BANK1: variants seen among roughly 807,000 people sequenced by gnomAD.
The protein encoded by BANK1 is B cell scaffold protein with ankyrin repeats 1.
Under a neutral mutation model 94.5 loss-of-function variants are expected in BANK1, and 95 were observed. The ratio of observed to expected loss-of-function variants is 1.00; its 90% CI spans 0.85 to 1.19. The LOEUF (loss-of-function observed/expected upper bound fraction) is 1.19, where lower values mean the gene tolerates loss of function less well. Ranked by LOEUF, BANK1 falls within the 50% of genes most tolerant of loss-of-function variation. BANK1 has a pLI of 0.00. For synonymous variants in BANK1, 334 were observed against 308.4 expected (o/e 1.08, Z -0.87); for missense variants, 987 against 932.2 (o/e 1.06, Z -0.77).
chr4:101,855,613 A>C (rs142044166), intron 3 of BANK1, among the ~76,000 whole-genome samples: 1 of 152,368 alleles, frequency 6.6e-6, no homozygotes, highest in East Asian at 1.9e-4. Flanking sequence ...CACATTTTGC[A>C]AATAGATGTA....
chr4:101,861,635 A>G (rs971464752), intron 3 of BANK1, among the ~76,000 whole-genome samples: 1 of 152,048 alleles, frequency 6.6e-6, no homozygotes, highest in African/African-American at 2.4e-5. Context: ...TAAAAGAGAA[A>G]AAGAAATAGC....
chr4:101,892,632 T>C (rs555240566), intron 5 of BANK1, among the ~76,000 whole-genome samples: 1 of 152,004 alleles, frequency 6.6e-6, no homozygotes, highest in East Asian at 1.9e-4. Flanking sequence ...TAATTTCACA[T>C]CAAGTTCATT....
chr4:101,975,442 G>C (rs908975041), intron 7 of BANK1, among the ~76,000 whole-genome samples: 1 of 152,160 alleles, frequency 6.6e-6, no homozygotes, highest in African/African-American at 2.4e-5. Flanking sequence ...GTTCATTAGA[G>C]AGATTGTAGA....
chr4:101,891,142 C>T, intron 5 of BANK1, among the ~76,000 whole-genome samples: 1 of 151,956 alleles, frequency 6.6e-6, no homozygotes, highest in Non-Finnish European at 1.5e-5. Flanking sequence ...TCATTATAAC[C>T]TTATACTTTA....
chr4:101,864,021 A>G (rs1727977624), intron 4 of BANK1, among the ~76,000 whole-genome samples: 1 of 152,178 alleles, frequency 6.6e-6, no homozygotes, highest in African/African-American at 2.4e-5. Context: ...CAAAGTTCAA[A>G]TTAATTATAA....
intron 6 of BANK1, among the ~76,000 whole-genome samples, chr4:101,908,044 G>T (rs1184516037): frequency 1.3e-5 from 2 of 152,080 alleles, no homozygotes; most frequent in Non-Finnish European, 1.5e-5. Context: ...TCACAGAATT[G>T]GAAAAAACTA....
rs369393040 is a variant in BANK1, at chr4:101,950,060, T to TGTGTGTGTGTGTGTGCGC, written c.1206+31872_1206+31873insTGTGTGTGTGTGTGCGCG. Among the ~76,000 whole-genome samples the TGTGTGTGTGTGTGTGCGC allele has an allele frequency of 2.2e-5, 3 of 139,492 alleles. No homozygotes were observed. In the South Asian group the frequency reaches 6.4e-4, roughly 30 times the overall value. 91.5% of individuals were successfully genotyped at this position (139,492 alleles called of 152,430 possible). ...GTGTGTGTGTGTGTGTGTGTGTGTG[T>TGTGTGTGTGTGTGTGCGC]GCGCGTGCGCGCGCATGTGCCTACA... is the stretch of plus-strand genomic sequence containing the variant. On this transcript the variant is annotated intron_variant, in intron 7 of 16. Transcript: ENST00000322953.
At chr4:102,072,218 C>A (rs1728782963) in intron 14 of BANK1, 127 bp from the exon 15 acceptor site, 4 of 778,044 alleles carry the variant, frequency 5.1e-6, no homozygotes, top group Non-Finnish European at 8.4e-6. Flanking sequence ...CCCCTTTTAT[C>A]TTCCTAATAA....
chr4:101,830,007 T>C lies in BANK1; in HGVS notation c.270T>C (p.Leu90=). 6.2e-7 allele frequency: 1 copy of C among 1,613,470 alleles called. No homozygotes were observed. The highest frequency in any genetic ancestry group is 8.5e-7 in the Non-Finnish European group (1 of 1,179,760). ...TTTTGATATTATCAAATAGCCTGCTTAGAGACCTAACTCCAAAGAAATGTC... is the reference window on the plus strand; with the variant it reads ...TTTTGATATTATCAAATAGCCTGCTCAGAGACCTAACTCCAAAGAAATGTC... ...CKLLILSNSL[L]RDLTPKKCQF... Residue 90 remains leucine, a synonymous_variant, in exon 2 of 17, where the codon CTT becomes CTC. Coordinates refer to ENST00000322953, the MANE Select transcript of BANK1 (RefSeq NM_017935.5).
At chr4:101,814,703 G>C (rs961228114) in intron 1 of BANK1, among the ~76,000 whole-genome samples, 3 of 152,044 alleles carry the variant, frequency 2.0e-5, no homozygotes, top group African/African-American at 7.2e-5. Context: ...TGTGACCTTG[G>C]GCAAGTCTCT....
At chr4:101,952,593 C>A (rs1724203113) in intron 7 of BANK1, among the ~76,000 whole-genome samples, 1 of 151,952 alleles carries the variant, frequency 6.6e-6, no homozygotes. Flanking sequence ...GTAAAACATC[C>A]ATTATATTGT....
intron 7 of BANK1, among the ~76,000 whole-genome samples, chr4:101,997,919 A>C (rs1311351724): frequency 6.6e-6 from 1 of 151,960 alleles, no homozygotes; most frequent in Non-Finnish European, 1.5e-5. Context: ...TATCTCCTTC[A>C]GTTCTGCTCT....
Position 102,025,510 on chromosome 4 carries a change from G to C in BANK1, c.1594+1G>C. 1 of 1,607,382 alleles carries C rather than the reference G, an allele frequency of 6.2e-7. No homozygotes were observed. Among genetic ancestry groups the C allele is most frequent in the Non-Finnish European group, 8.5e-7 (1 of 1,179,454 alleles). On this transcript the variant is annotated splice_donor_variant, in intron 9 of 16. Transcript: ENST00000322953. LOFTEE classifies it high-confidence loss of function. The stretch of plus-strand genomic sequence containing the variant: ...GAAAGACCTCACTTCACCTTACCAG[G>C]TAAGTTTAAGGTTAGAAAAAAACAA...
At chr4:101,907,355 C>T (rs1179908876) in intron 6 of BANK1, among the ~76,000 whole-genome samples, 1 of 152,200 alleles carries the variant, frequency 6.6e-6, no homozygotes, top group Non-Finnish European at 1.5e-5. Flanking sequence ...AATTCAACAG[C>T]ACTTCATGCT....
chr4:102,049,627 G>C (rs1241329671), intron 11 of BANK1, among the ~76,000 whole-genome samples: 1 of 152,160 alleles, frequency 6.6e-6, no homozygotes, highest in Non-Finnish European at 1.5e-5. Flanking sequence ...GGGCAGGAGA[G>C]GGCCACCCAC....
chr4:102,011,336 A>G (rs1275680357), intron 7 of BANK1, among the ~76,000 whole-genome samples: 1 of 152,234 alleles, frequency 6.6e-6, no homozygotes, highest in Non-Finnish European at 1.5e-5. Context: ...GGCAATGTCT[A>G]TGAAGATTAG....
chr4:101,830,082 T>A lies in BANK1; in HGVS notation c.345T>A (p.Leu115=), dbSNP rs1578342198. The A allele has an allele frequency of 6.2e-7, 1 of 1,613,900 alleles. No individual in the cohort carries two copies. The highest frequency in any genetic ancestry group is 2.2e-5 in the East Asian group (1 of 44,820). ...CACCAAAAAGTGTAGTTACTTTGCT[T>A]TGTGGAGTGAAGAGTTCAGATCAGC... ...LHSPKSVVTL[L]CGVKSSDQLY... Residue 115 remains leucine, a synonymous_variant, in exon 2 of 17, where the codon CTT becomes CTA. Coordinates refer to ENST00000322953, the MANE Select transcript of BANK1 (RefSeq NM_017935.5).
chr4:101,925,005 G>C (rs964563535), intron 7 of BANK1, among the ~76,000 whole-genome samples: 1 of 151,476 alleles, frequency 6.6e-6, no homozygotes, highest in African/African-American at 2.4e-5. Context: ...ATTTTTCTGA[G>C]AATAATGACC....
At chr4:102,041,007 AC>A (rs1727684865) in intron 10 of BANK1, among the ~76,000 whole-genome samples, 1 of 152,056 alleles carries the variant, frequency 6.6e-6, no homozygotes, top group Admixed American at 6.6e-5. Context: ...CTGGTATACA[AC>A]TTTTTGGTTA....
Sources: allele counts gnomAD v4.1 joint callset (sites outside exome capture counted in the v4.1 genomes callset), GRCh38; gene constraint gnomAD v4.1.1; transcripts MANE v1.5; gene names NCBI Gene and HGNC (gene_info 2026-07-23, HGNC 2026-07-21).